The following ZC3H7A variants were observed in gnomAD, a reference collection of about 807,000 sequenced individuals.
ZC3H7A encodes the protein zinc finger CCCH domain-containing protein 7A.
ZC3H7A carries 44 observed loss-of-function variants against 125.5 expected under a neutral mutation model. That is an observed-to-expected ratio of 0.35 (90% CI 0.28 to 0.45). ZC3H7A has a LOEUF of 0.45. ZC3H7A is among the 20% of genes least tolerant of loss of function. The probability of loss-of-function intolerance (pLI) is 1.00; values close to 1 mark genes in which losing one functional copy is unlikely to be tolerated. For synonymous variants in ZC3H7A, 399 were observed against 391.2 expected (o/e 1.02, Z -0.23); for missense variants, 977 against 1,170.7 (o/e 0.83, Z 2.41).
intron 19 of ZC3H7A, chr16:11,759,383 C>G (rs1050286805): frequency 6.6e-6 from 1 of 152,212 alleles, no homozygotes; most frequent in Non-Finnish European, 1.5e-5. Context: ...TGCTTAGCAT[C>G]TGTCACGTTT....
intron 1 of ZC3H7A, among the ~76,000 whole-genome samples, chr16:11,794,871 G>C (rs1308230924): frequency 1.3e-5 from 2 of 152,196 alleles, no homozygotes; most frequent in Non-Finnish European, 2.9e-5. Context: ...TGCAAAAACT[G>C]ACAGAATCTG....
chr16:11,765,344 T>G lies in ZC3H7A; in HGVS notation c.1719+145A>C. 1.6e-6 allele frequency: 1 copy of G among 629,784 alleles called. No individual in the cohort carries two copies. Among genetic ancestry groups the G allele is most frequent in the East Asian group, 3.2e-5 (1 of 31,650 alleles). The allele number at this position is 629,784 out of a possible 1,614,324, so 39.0% of individuals were successfully genotyped here. A position where few individuals can be genotyped will look rare whatever the true frequency, so the allele number is the denominator to read the frequency against. On this transcript the variant is annotated intron_variant, in intron 14 of 22. Transcript: ENST00000355758. This position sits in a 1 kb window ranked among gnomAD's most constrained non-coding sequence, Gnocchi z 4.8. ...CACATGGGAGGACCAGAGGAATATT[T>G]TATTCATAAATATGATATTATTTAT...
chr16:11,769,961 A>G (rs1411320336), intron 10 of ZC3H7A, among the ~76,000 whole-genome samples: 1 of 150,648 alleles, frequency 6.6e-6, no homozygotes, highest in Admixed American at 6.6e-5. Flanking sequence ...TAATTTTTAT[A>G]TTTTTTGTAG....
intron 10 of ZC3H7A, 130 bp downstream of exon 10, chr16:11,770,651 CTT>C: frequency 2.1e-6 from 2 of 935,272 alleles, no homozygotes; most frequent in South Asian, 3.6e-5. Context: ...AAGGCTTAGT[CTT>C]TATATTTTTA....
intron 21 of ZC3H7A, chr16:11,754,059 G>C (rs1181218023): frequency 2.0e-5 from 3 of 151,984 alleles, no homozygotes; most frequent in Non-Finnish European, 4.4e-5. Flanking sequence ...GGGAGGCCGA[G>C]GCAGGAGGAG....
At chr16:11,795,841 G>A (rs1372619557) in intron 1 of ZC3H7A, among the ~76,000 whole-genome samples, 1 of 152,164 alleles carries the variant, frequency 6.6e-6, no homozygotes, top group African/African-American at 2.4e-5. Flanking sequence ...TTGAGACAGT[G>A]TCCCAGGCTG....
intron 8 of ZC3H7A, among the ~76,000 whole-genome samples, 199 bp from the exon 9 acceptor site, chr16:11,774,718 C>T (rs1341042297): frequency 6.6e-6 from 1 of 152,208 alleles, no homozygotes; most frequent in Non-Finnish European, 1.5e-5. Context: ...ATGCCTGTAT[C>T]TCTCTTTGGG....
intron 1 of ZC3H7A, among the ~76,000 whole-genome samples, chr16:11,787,541 A>T (rs1232964615): frequency 6.6e-6 from 1 of 152,104 alleles, no homozygotes; most frequent in Non-Finnish European, 1.5e-5. Context: ...AGCTCATTGC[A>T]ACCTTAAACT....
At chr16:11,779,792 G>A (rs1434988293) in intron 3 of ZC3H7A, among the ~76,000 whole-genome samples, 1 of 152,020 alleles carries the variant, frequency 6.6e-6, no homozygotes, top group Admixed American at 6.6e-5. Flanking sequence ...GTGTGTGTGT[G>A]TGTACACGTG....
intron 1 of ZC3H7A, among the ~76,000 whole-genome samples, chr16:11,786,539 T>C (rs2053259729): frequency 6.6e-6 from 1 of 152,192 alleles, no homozygotes; most frequent in Non-Finnish European, 1.5e-5. Context: ...CTCAACCTTA[T>C]ACACAAAAGG....
At chr16:11,795,566 G>A (rs1160507118) in intron 1 of ZC3H7A, among the ~76,000 whole-genome samples, 5 of 151,730 alleles carry the variant, frequency 3.3e-5, no homozygotes, top group Non-Finnish European at 7.4e-5. Context: ...CTCCCCAGTA[G>A]CTGGGATTAC....
Position 11,751,508 on chromosome 16 carries a change from T to C in ZC3H7A, c.2727-2A>G. 1 of 1,610,764 alleles carries C rather than the reference T, an allele frequency of 6.2e-7. No homozygotes were observed. The highest frequency in any genetic ancestry group is 8.5e-7 in the Non-Finnish European group (1 of 1,178,854). ...TCTGGGCAGGTGCCATTCATATACCTGTAAGGAGAAGTCAGCTGCTCAGTG... is the reference window on the plus strand; with the variant it reads ...TCTGGGCAGGTGCCATTCATATACCCGTAAGGAGAAGTCAGCTGCTCAGTG... On this transcript the variant is annotated splice_acceptor_variant, in intron 22 of 22. Transcript: ENST00000355758. LOFTEE classifies it high-confidence loss of function.
At chr16:11,790,486 T>G (rs2053331617) in intron 1 of ZC3H7A, among the ~76,000 whole-genome samples, 1 of 152,202 alleles carries the variant, frequency 6.6e-6, no homozygotes, top group Non-Finnish European at 1.5e-5. Context: ...TCCAATTTGA[T>G]GTCAATCTTT....
chr16:11,789,074 A>G lies in ZC3H7A; in HGVS notation c.-34-6686T>C, dbSNP rs375836371. 4.6e-5 allele frequency among the ~76,000 whole-genome samples: 7 copies of G among 152,182 alleles called. No homozygotes were observed. In the East Asian group the frequency reaches 9.6e-4, roughly 21 times the overall value. On this transcript the variant is annotated intron_variant, in intron 1 of 22. Transcript: ENST00000355758. ...TGCTGCTTAAAACCCAGTGAGGCCC[A>G]TAGTTTGGTTAACAGTATTATACTA...
chr16:11,769,784 C>CTTTGTTTTTTTT (rs1485329734), intron 10 of ZC3H7A, among the ~76,000 whole-genome samples: 1 of 61,608 alleles, frequency 1.6e-5, no homozygotes, highest in Non-Finnish European at 2.6e-5. Context: ...CAATTGCTTT[C>CTTTGTTTTTTTT]TTTTTTTTTT....
At chr16:11,780,208 C>T (rs903295272) in intron 3 of ZC3H7A, among the ~76,000 whole-genome samples, 1 of 151,404 alleles carries the variant, frequency 6.6e-6, no homozygotes, top group African/African-American at 2.4e-5. Context: ...TGCGACTTCA[C>T]CTCCTGAGTT....
In ZC3H7A at chr16:11,762,702, T is replaced by G; in HGVS notation, c.2048A>C (p.Gln683Pro). 1 of 1,614,094 alleles carries G rather than the reference T, an allele frequency of 6.2e-7. No individual in the cohort carries two copies. The highest frequency in any genetic ancestry group is 8.5e-7 in the Non-Finnish European group (1 of 1,180,020). ...TCCAGGTACATTTGCTTCCAAATTC[T>G]GCCAATATCGTTTAGACTCTTGAGC... ...AIAQESKRYW[Q>P]NLEANVPGAQ... The change falls in exon 17 of 23, where the codon CAG becomes CCG. Residue 683 changes from glutamine to proline, a missense_variant. This residue lies in a region of ZC3H7A where 436 missense variants were observed against 603.2 expected (regional missense o/e 0.72). Transcript: ENST00000355758.
intron 16 of ZC3H7A, chr16:11,763,057 C>A: frequency 3.3e-6 from 1 of 298,582 alleles, no homozygotes; most frequent in Non-Finnish European, 6.2e-6. Flanking sequence ...AGGACAAAAT[C>A]AATAGCGTCA....
In ZC3H7A at chr16:11,763,616, T is replaced by C; in HGVS notation, c.1864A>G (p.Lys622Glu). Residue 622 changes from lysine to glutamate, a missense_variant, in exon 16 of 23, where the codon AAA (lysine) becomes GAA (glutamate). This residue lies in a region of ZC3H7A where 436 missense variants were observed against 603.2 expected (regional missense o/e 0.72). Coordinates refer to ENST00000355758, the MANE Select transcript of ZC3H7A (RefSeq NM_014153.4). ...CACTGACCATGAAAAGAACGTATTT[T>C]GGAGTATTTTACTGTTGTCTCTCGC... ...ILRETTVKYS[K>E]IRSFHGQCQL... 6.2e-7 allele frequency: 1 copy of C among 1,607,054 alleles called. No homozygotes were observed. Among genetic ancestry groups the C allele is most frequent in the Non-Finnish European group, 8.5e-7 (1 of 1,176,246 alleles).
Sources: allele counts gnomAD v4.1 joint callset (sites outside exome capture counted in the v4.1 genomes callset), GRCh38; gene constraint gnomAD v4.1.1; regional missense constraint gnomAD v4.1.1; non-coding constraint Gnocchi (gnomAD v3.1); transcripts MANE v1.5; gene names NCBI Gene and HGNC (gene_info 2026-07-23, HGNC 2026-07-21).